The following LPIN2 variants were observed in gnomAD, a reference collection of about 807,000 sequenced individuals.
LPIN2 encodes the protein lipin 2, also known as phosphatidate phosphatase LPIN2.
In LPIN2, 55 loss-of-function variants were observed where a neutral mutation model predicts 111.4. That is an observed-to-expected ratio of 0.49 (90% CI 0.40 to 0.62). The LOEUF is 0.62. LPIN2 is among the 20% of genes least tolerant of loss of function. The pLI is 0.00. For missense variants in LPIN2, 992 were observed against 1,112.1 expected, an observed-to-expected ratio of 0.89 and a Z score of 1.54; for synonymous variants, 425 against 414.0, an observed-to-expected ratio of 1.03 and a Z score of -0.32.
rs563088438 is a variant in LPIN2, at chr18:2,919,216, G to C, written c.*1077C>G. On this transcript the variant is annotated 3_prime_UTR_variant, in exon 20 of 20. Transcript: ENST00000677752. ...GCTAGGCTGGGGACACTGCTCGGGGGGCAGTCTGCTCCATAGGAGCTCCAA... is the reference window on the plus strand; with the variant it reads ...GCTAGGCTGGGGACACTGCTCGGGGCGCAGTCTGCTCCATAGGAGCTCCAA... 198 of 152,346 alleles carry C rather than the reference G, an allele frequency of 1.3e-3. 1 individual carries two copies. The highest frequency in any genetic ancestry group is 2.5e-3 in the Non-Finnish European group (167 of 68,068). The allele number at this position is 152,346 out of a possible 1,614,324, so 9.4% of individuals were successfully genotyped here.
At chr18:2,972,657 A>G (rs1247363886) in intron 1 of LPIN2, among the ~76,000 whole-genome samples, 1 of 152,222 alleles carries the variant, frequency 6.6e-6, no homozygotes, top group Non-Finnish European at 1.5e-5. Context: ...GTGTGGCTTA[A>G]GGAGATCCTA....
At chr18:2,955,410 A>T (rs897214426) in intron 2 of LPIN2, among the ~76,000 whole-genome samples, 1 of 151,692 alleles carries the variant, frequency 6.6e-6, no homozygotes, top group African/African-American at 2.4e-5. Flanking sequence ...AAGGTGCCAC[A>T]CACTTTTAAA....
chr18:2,980,386 T>A (rs1436411812), intron 1 of LPIN2, among the ~76,000 whole-genome samples: 1 of 152,212 alleles, frequency 6.6e-6, no homozygotes, highest in South Asian at 2.1e-4. Flanking sequence ...CTTGTTCACC[T>A]CCAGTTGTTC....
At position 2,950,986 on chromosome 18, in the gene LPIN2, CT is replaced by C. The variant is rs1424165459; in HGVS notation, c.590+68del. ...CTCACACTGTGTATCCATAAAAAAA[CT>C]GGCAGCTCCTGGCTTCACATGAACT... On this transcript the variant is annotated intron_variant, in intron 4 of 19. Coordinates refer to ENST00000677752, the MANE Select transcript of LPIN2 (RefSeq NM_001375808.2). 22 of 1,559,846 alleles carry C rather than the reference CT, an allele frequency of 1.4e-5. No homozygotes were observed. In the Admixed American group the frequency reaches 2.2e-4, roughly 15 times the overall value.
chr18:2,962,423 C>T (rs1414720543), intron 1 of LPIN2, among the ~76,000 whole-genome samples: 2 of 151,852 alleles, frequency 1.3e-5, no homozygotes, highest in Non-Finnish European at 2.9e-5. Flanking sequence ...TTGATTTGAC[C>T]TCAATAGCTA....
At chr18:2,948,844 T>C (rs1264759248) in intron 4 of LPIN2, among the ~76,000 whole-genome samples, 3 of 151,992 alleles carry the variant, frequency 2.0e-5, no homozygotes, top group Non-Finnish European at 4.4e-5. Flanking sequence ...GACAGAGTCT[T>C]GCTCTGTCAC....
intron 1 of LPIN2, among the ~76,000 whole-genome samples, chr18:2,978,844 C>T (rs976088567): frequency 6.6e-6 from 1 of 152,190 alleles, no homozygotes; most frequent in Non-Finnish European, 1.5e-5. Flanking sequence ...ACGTTGCAGT[C>T]ACTGAGGTGC....
Position 2,998,650 on chromosome 18 carries a change from G to A in LPIN2, c.-10+14437C>T, listed in dbSNP as rs558173182. 4.0e-5 allele frequency among the ~76,000 whole-genome samples: 6 copies of A among 151,400 alleles called. No individual in the cohort carries two copies. The East Asian group carries it at 5.9e-4, about 15-fold the overall frequency. On this transcript the variant is annotated intron_variant, in intron 1 of 19. Coordinates refer to ENST00000677752, the MANE Select transcript of LPIN2 (RefSeq NM_001375808.2). ...GAGCCACTTTTAAGGAAAGAAAAGC[G>A]TTGTAGAGCCCAGAACAGGAAAATA...
intron 1 of LPIN2, among the ~76,000 whole-genome samples, chr18:2,998,825 T>C (rs1394138106): frequency 6.6e-6 from 1 of 152,240 alleles, no homozygotes. Context: ...GTTTACTTTC[T>C]CATAAGACAC....
At chr18:2,935,315 G>T (rs1319189091) in intron 7 of LPIN2, among the ~76,000 whole-genome samples, 3 of 152,030 alleles carry the variant, frequency 2.0e-5, no homozygotes, top group Admixed American at 2.0e-4. Flanking sequence ...TTACACATGT[G>T]ATTCATATTC....
chr18:2,953,712 C>T (rs909516390), intron 3 of LPIN2, among the ~76,000 whole-genome samples: 4 of 152,092 alleles, frequency 2.6e-5, no homozygotes, highest in African/African-American at 9.7e-5. Context: ...TAACTTGATG[C>T]TTATCAGTTT....
At chr18:2,992,999 A>G (rs920934891) in intron 1 of LPIN2, among the ~76,000 whole-genome samples, 1 of 149,298 alleles carries the variant, frequency 6.7e-6, no homozygotes, top group Non-Finnish European at 1.5e-5. Flanking sequence ...AAAAAAATTT[A>G]AATATTAGCC....
At chr18:2,945,941 CAG>C in intron 4 of LPIN2, 4 of 1,405,824 alleles carry the variant, frequency 2.8e-6, no homozygotes, top group Non-Finnish European at 2.0e-6. Flanking sequence ...GTATTAAAAT[CAG>C]AAGTTTTTCT....
chr18:2,965,141 G>C (rs1245554226), intron 1 of LPIN2, among the ~76,000 whole-genome samples: 1 of 151,092 alleles, frequency 6.6e-6, no homozygotes, highest in East Asian at 1.9e-4. Flanking sequence ...AAATAAAAAA[G>C]TGAAGAAAAA....
chr18:3,011,996 C>T (rs1456589117), intron 1 of LPIN2: 1 of 152,220 alleles, frequency 6.6e-6, no homozygotes, highest in Non-Finnish European at 1.5e-5. Context: ...AAAACATAAA[C>T]CAGTATGGGC....
At chr18:2,971,750 A>AT (rs2077917440) in intron 1 of LPIN2, among the ~76,000 whole-genome samples, 1 of 150,948 alleles carries the variant, frequency 6.6e-6, no homozygotes, top group African/African-American at 2.4e-5. Flanking sequence ...TGCACTGGAA[A>AT]AAAAAAAAAA....
intron 4 of LPIN2, among the ~76,000 whole-genome samples, chr18:2,944,551 C>A (rs1468378480): frequency 6.6e-6 from 1 of 151,652 alleles, no homozygotes; most frequent in Non-Finnish European, 1.5e-5. Flanking sequence ...GGGGTTTCAC[C>A]GTGTTAGCCA....
chr18:2,924,572 A>T lies in LPIN2; in HGVS notation c.1939-26T>A, dbSNP rs1256663719. On this transcript the variant is annotated intron_variant, in intron 14 of 19. Transcript: ENST00000677752. ...CTTTTAAAAAAGCATAAGAATAAAG[A>T]AAATCAGCTGAAAACATAGTTTGAA... 2.5e-6 allele frequency: 4 copies of T among 1,612,424 alleles called. No homozygotes were observed. The South Asian group carries it at 4.4e-5, about 18-fold the overall frequency.
intron 1 of LPIN2, among the ~76,000 whole-genome samples, chr18:3,000,266 CTT>C (rs2078415480): frequency 1.3e-5 from 2 of 151,900 alleles, no homozygotes; most frequent in Non-Finnish European, 2.9e-5. Flanking sequence ...GACTTGTAGA[CTT>C]TTTAAAGTAC....
Sources: allele counts gnomAD v4.1 joint callset (sites outside exome capture counted in the v4.1 genomes callset), GRCh38; gene constraint gnomAD v4.1.1; transcripts MANE v1.5; gene names NCBI Gene and HGNC (gene_info 2026-07-23, HGNC 2026-07-21).